The following OTOF variants were observed in gnomAD, a reference collection of about 807,000 sequenced individuals.
OTOF encodes fer-1-like family member 2.
In OTOF, 218 loss-of-function variants were observed where a neutral mutation model predicts 236.8. That is an observed-to-expected ratio of 0.92 (90% CI 0.82 to 1.03). The LOEUF (loss-of-function observed/expected upper bound fraction) is 1.03, where lower values mean the gene tolerates loss of function less well. Ranked by LOEUF, OTOF falls within the 50% of genes least tolerant of loss-of-function variation. The probability of loss-of-function intolerance (pLI) is 0.00; values close to 1 mark genes in which losing one functional copy is unlikely to be tolerated. For synonymous variants in OTOF, 1,041 were observed against 1,072.5 expected (o/e 0.97, Z 0.57); for missense variants, 2,590 against 2,694.4 (o/e 0.96, Z 0.86).
intron 32 of OTOF, among the ~76,000 whole-genome samples, chr2:26,469,241 C>T (rs1664870975): frequency 1.3e-5 from 2 of 152,118 alleles, no homozygotes; most frequent in Admixed American, 1.3e-4. Context: ...GAGAATAAAT[C>T]TTACTAGAAA....
In OTOF at chr2:26,471,131, T is replaced by A. The variant is rs1249833817; in HGVS notation, c.3884A>T (p.Lys1295Met). ...KLDATSEAVVKVDVAEEEKEK... is the reference protein window; with the variant it reads ...KLDATSEAVVMVDVAEEEKEK... ...GGCCCCCACACTCACCACATCCACC[T>A]TGACAACAGCTTCAGAAGTCTGCAG... Residue 1295 changes from lysine to methionine, a missense_variant, in exon 31 of 47, where the codon AAG becomes ATG. Physicochemically the swap from Lys to Met is moderately conservative, Grantham distance 95. This residue lies in a region of OTOF where 1,211 missense variants were observed against 1,352.8 expected (regional missense o/e 0.90). Transcript: ENST00000272371. 6.2e-7 allele frequency: 1 copy of A among 1,614,014 alleles called. No individual in the cohort carries two copies. Among genetic ancestry groups the A allele is most frequent in the Non-Finnish European group, 8.5e-7 (1 of 1,179,980 alleles).
rs543753006 is a variant in OTOF, at chr2:26,458,050, A to G, written c.*188T>C. 1 of 1,613,382 alleles carries G rather than the reference A, an allele frequency of 6.2e-7. No individual in the cohort carries two copies. Among genetic ancestry groups the G allele is most frequent in the African/African-American group, 1.3e-5 (1 of 75,034 alleles). On this transcript the variant is annotated 3_prime_UTR_variant, in exon 47 of 47. Transcript: ENST00000272371. ...GGGAGCTGGCGGCCTTCATGCCCCAAGGAGCTTTTTGACCATGTAGCCAGG... is the reference window on the plus strand; with the variant it reads ...GGGAGCTGGCGGCCTTCATGCCCCAGGGAGCTTTTTGACCATGTAGCCAGG...
intron 14 of OTOF, among the ~76,000 whole-genome samples, chr2:26,481,417 C>T (rs1486483300): frequency 6.6e-6 from 1 of 152,190 alleles, no homozygotes; most frequent in Non-Finnish European, 1.5e-5. Context: ...AAGGCCATCC[C>T]TCTCCATCTC....
chr2:26,461,711 C>T lies in OTOF; in HGVS notation c.5518G>A (p.Ala1840Thr), dbSNP rs771088478. 1.9e-5 allele frequency: 30 copies of T among 1,613,958 alleles called. No homozygotes were observed. Among genetic ancestry groups the T allele is most frequent in the African/African-American group, 1.1e-4 (8 of 74,926 alleles). The change falls in exon 43 of 47, where the codon GCT (alanine) becomes ACT (threonine). Residue 1840 changes from alanine to threonine, a missense_variant. Ala to Thr is a moderately conservative substitution (Grantham distance 58, BLOSUM62 0). Around this residue, in one of 2 missense-constraint regions of OTOF, gnomAD observed 1,211 missense variants for 1,352.8 expected, o/e 0.90. Coordinates refer to ENST00000272371, the MANE Select transcript of OTOF (RefSeq NM_194248.3). This position sits in a 1 kb window ranked among gnomAD's most constrained non-coding sequence, Gnocchi z 6.2. ...LQIWDADHFS[A>T]DDFLGAIELD... ...TGCTCTGCACCCAGGAAGTCGTCAG[C>T]GGAGAAGTGGTCCGCATCCCAGATC...
chr2:26,506,164 TC>T (rs1369893953), intron 5 of OTOF, among the ~76,000 whole-genome samples: 2 of 152,168 alleles, frequency 1.3e-5, no homozygotes, highest in Non-Finnish European at 2.9e-5. Context: ...TTTGTGGGCC[TC>T]CTCGTGGGTC....
intron 18 of OTOF, chr2:26,478,132 G>T (rs1436837269): frequency 1.9e-6 from 2 of 1,028,774 alleles, no homozygotes; most frequent in African/African-American, 3.3e-5. Flanking sequence ...GCTGGAGCCT[G>T]TGGCAGGGGA....
chr2:26,461,995 A>AC lies in OTOF; in HGVS notation c.5292-59_5292-58insG. The AC allele has an allele frequency of 6.2e-7, 1 of 1,613,190 alleles. No individual in the cohort carries two copies. The highest frequency in any genetic ancestry group is 8.5e-7 in the Non-Finnish European group (1 of 1,179,744). ...GGCTGGTGGGGCCTCTCCCACCCAC[A>AC]GCCACCTTCCCTCTGCCTCCTCTCC... On this transcript the variant is annotated intron_variant, in intron 42 of 46. Transcript: ENST00000272371. This position sits in a 1 kb window ranked among gnomAD's most constrained non-coding sequence, Gnocchi z 6.2.
chr2:26,530,419 T>C (rs554451631), intron 2 of OTOF, among the ~76,000 whole-genome samples: 4 of 152,212 alleles, frequency 2.6e-5, no homozygotes, highest in Admixed American at 2.6e-4. Context: ...GTGGCTCAGG[T>C]GCCCTTTCAG....
At chr2:26,506,945 G>A (rs180703855) in intron 5 of OTOF, among the ~76,000 whole-genome samples, 14 of 152,250 alleles carry the variant, frequency 9.2e-5, no homozygotes, top group East Asian at 7.7e-4. Flanking sequence ...AGCCACGATC[G>A]CACCACTGCA....
Position 26,460,814 on chromosome 2 carries a change from C to T in OTOF, c.5712+38G>A. On this transcript the variant is annotated intron_variant, in intron 44 of 46. Coordinates refer to ENST00000272371, the MANE Select transcript of OTOF (RefSeq NM_194248.3). This position sits in a 1 kb window ranked among gnomAD's most constrained non-coding sequence, Gnocchi z 5.3. ...GGGCCCTTGGCACCCCAGCCAGTCC[C>T]AGCCCTGCCTACTGCCCGAGCAGGA... is the stretch of plus-strand genomic sequence containing the variant. The T allele has an allele frequency of 7.4e-6, 12 of 1,613,918 alleles. No individual in the cohort carries two copies. The highest frequency in any genetic ancestry group is 1.0e-5 in the Non-Finnish European group (12 of 1,179,774).
intron 8 of OTOF, among the ~76,000 whole-genome samples, chr2:26,500,337 A>G (rs1167291130): frequency 2.0e-5 from 3 of 152,250 alleles, no homozygotes; most frequent in African/African-American, 4.8e-5. Flanking sequence ...CTGGCATAGA[A>G]TAAACCTTCA....
rs772687800 is a variant in OTOF, at chr2:26,475,530, A to G, written c.2992-37T>C. ...GATGGGGAGACAGGGGACAAGTGAC[A>G]GAGGGGGGGGCAGATGCACAAACAG... On this transcript the variant is annotated intron_variant, in intron 24 of 46. Coordinates refer to ENST00000272371, the MANE Select transcript of OTOF (RefSeq NM_194248.3). 2.5e-5 allele frequency: 40 copies of G among 1,603,320 alleles called. No individual in the cohort carries two copies. In the African/African-American group the frequency reaches 4.8e-4, roughly 19 times the overall value.
At chr2:26,557,889 T>A (rs1667633235) in intron 1 of OTOF, among the ~76,000 whole-genome samples, 1 of 151,800 alleles carries the variant, frequency 6.6e-6, no homozygotes, top group Admixed American at 6.6e-5. Context: ...TCTACCCCTA[T>A]CCTTGGGACA....
At chr2:26,467,819 C>T (rs1280131199) in intron 33 of OTOF, among the ~76,000 whole-genome samples, 1 of 152,196 alleles carries the variant, frequency 6.6e-6, no homozygotes, top group Non-Finnish European at 1.5e-5. Flanking sequence ...TAGCTTCCCT[C>T]TTCTTGTCCA....
At chr2:26,540,956 AG>A (rs1027055377) in intron 1 of OTOF, among the ~76,000 whole-genome samples, 40 of 152,262 alleles carry the variant, frequency 2.6e-4, no homozygotes, top group African/African-American at 9.6e-4. Context: ...AAAGTGCCTG[AG>A]GTTTGAGCTT....
chr2:26,537,965 G>T (rs1667115499), intron 1 of OTOF, among the ~76,000 whole-genome samples, 191 bp from the exon 2 acceptor site: 1 of 152,160 alleles, frequency 6.6e-6, no homozygotes, highest in African/African-American at 2.4e-5. Flanking sequence ...CCTCTCAGCA[G>T]CCTCGTGAGG....
rs766145759 is a variant in OTOF at position 26,479,357 on chromosome 2, C to A, written c.2121G>T (p.Glu707Asp). The A allele has an allele frequency of 1.2e-6, 2 of 1,612,852 alleles. No homozygotes were observed. Among genetic ancestry groups the A allele is most frequent in the South Asian group, 2.2e-5 (2 of 91,010 alleles). The change falls in exon 18 of 47, where the codon GAG becomes GAT. Residue 707 changes from glutamate (E) to aspartate (D), a missense_variant. Around this residue, in one of 2 missense-constraint regions of OTOF, gnomAD observed 1,379 missense variants for 1,341.6 expected, o/e 1.03. Transcript: ENST00000272371. ...TCTTGATGTAGATGCAGGGCTTTCG[C>A]TCCAGGTAGGGCAGATGGAAGTAGT... ...DRNYFHLPYLERKPCIYIKSW... is the reference protein window; with the variant it reads ...DRNYFHLPYLDRKPCIYIKSW...
Position 26,477,388 on chromosome 2 carries a change from A to G in OTOF, c.2406+28T>C. ...CTTCTCACAACCAGGCCCTCCCTCC[A>G]GCCCCCGCCGTCCAGTTGCGTCCTC... On this transcript the variant is annotated intron_variant, in intron 20 of 46. Coordinates refer to ENST00000272371, the MANE Select transcript of OTOF (RefSeq NM_194248.3). The surrounding 1 kb of genome is among the most constrained non-coding windows in gnomAD (Gnocchi z 4.7). 2.5e-6 allele frequency: 4 copies of G among 1,568,900 alleles called. No homozygotes were observed. The highest frequency in any genetic ancestry group is 3.5e-6 in the Non-Finnish European group (4 of 1,156,244).
At position 26,503,831 on chromosome 2, in the gene OTOF, A is replaced by T. The variant is rs374722442; in HGVS notation, c.524T>A (p.Val175Glu). The change falls in exon 6 of 47, where the codon GTG (valine) becomes GAG (glutamate). Residue 175 changes from valine to glutamate, a missense_variant. By Grantham distance (121) the Val-to-Glu change is moderately radical (BLOSUM62 -2). Around this residue, in one of 2 missense-constraint regions of OTOF, gnomAD observed 1,379 missense variants for 1,341.6 expected, o/e 1.03. Coordinates refer to ENST00000272371, the MANE Select transcript of OTOF (RefSeq NM_194248.3). ...EKSFRRAGRSVFSAMKLGKNR... is the reference protein window; with the variant it reads ...EKSFRRAGRSEFSAMKLGKNR... ...TTTGCCGAGCTTCATGGCGGAGAAC[A>T]CGCTCCTCCCGGCTCTGTGAGGGGG... 4.3e-6 allele frequency: 7 copies of T among 1,614,082 alleles called. No homozygotes were observed. The South Asian group carries it at 6.6e-5, about 15-fold the overall frequency.
Sources: allele counts gnomAD v4.1 joint callset (sites outside exome capture counted in the v4.1 genomes callset), GRCh38; gene constraint gnomAD v4.1.1; regional missense constraint gnomAD v4.1.1; non-coding constraint Gnocchi (gnomAD v3.1); transcripts MANE v1.5; gene names NCBI Gene and HGNC (gene_info 2026-07-23, HGNC 2026-07-21).